Variants in SEMA4G observed in about 807,000 individuals in gnomAD.
SEMA4G encodes the protein semaphorin-4G.
A neutral mutation model predicts 81.2 loss-of-function variants in SEMA4G; 59 were observed. The observed-to-expected ratio is 0.73, with a 90% CI of 0.59 to 0.90. SEMA4G has a LOEUF of 0.90. SEMA4G is among the 40% of genes least tolerant of loss of function. The probability of loss-of-function intolerance (pLI) is 0.00; values close to 1 mark genes in which losing one functional copy is unlikely to be tolerated. For synonymous variants in SEMA4G, 404 were observed against 433.9 expected, an observed-to-expected ratio of 0.93 and a Z score of 0.86; for missense variants, 952 against 1,102.3, an observed-to-expected ratio of 0.86 and a Z score of 1.93.
chr10:100,983,700 C>A, exon 14 of SEMA4G: 2 of 1,613,604 alleles, frequency 1.2e-6, no homozygotes, highest in Non-Finnish European at 1.7e-6. Flanking sequence ...CTCCTCCCTC[C>A]TCTATGTGGC....
intron 13 of SEMA4G, among the ~76,000 whole-genome samples, chr10:100,982,452 G>A (rs1415919570): frequency 6.6e-6 from 1 of 152,208 alleles, no homozygotes; most frequent in Non-Finnish European, 1.5e-5. Flanking sequence ...AAATCAACAG[G>A]TCTAAGATAG....
rs771312087 is a variant in SEMA4G, at chr10:100,981,017, G to A, written c.1628+35G>A. On this transcript the variant is annotated intron_variant, in intron 12 of 13. Coordinates refer to ENST00000370250, the Ensembl canonical transcript of SEMA4G. Reference sequence around the variant, plus strand: ...AAGCAGGTGGGAAGTGGTGGGGGGTGACAGTCACATGTGGTCTGAGTGGAG... The same window carrying A: ...AAGCAGGTGGGAAGTGGTGGGGGGTAACAGTCACATGTGGTCTGAGTGGAG... 2 of 1,593,076 alleles carry A rather than the reference G, an allele frequency of 1.3e-6. No homozygotes were observed. The highest frequency in any genetic ancestry group is 1.7e-6 in the Non-Finnish European group (2 of 1,170,228).
chr10:100,972,339 G>A (rs989327335), upstream of SEMA4G, among the ~76,000 whole-genome samples: 1 of 151,940 alleles, frequency 6.6e-6, no homozygotes, highest in African/African-American at 2.4e-5. Context: ...TTGTAAGGAA[G>A]GTAAGTTCCA....
At chr10:100,977,686 T>C in exon 4 of SEMA4G, 1 of 1,614,084 alleles carries the variant, frequency 6.2e-7, no homozygotes, top group South Asian at 1.1e-5. Flanking sequence ...TACCCACCTC[T>C]ATGCATGTGG....
chr10:100,984,980 T>G (rs1761267634), downstream of SEMA4G: 2 of 1,364,610 alleles, frequency 1.5e-6, no homozygotes, highest in Non-Finnish European at 1.9e-6. Flanking sequence ...TCCACTCACA[T>G]GCACCTCTGA....
At chr10:100,976,386 TCTCA>T (rs1452906951) in intron 3 of SEMA4G, among the ~76,000 whole-genome samples, 1 of 152,158 alleles carries the variant, frequency 6.6e-6, no homozygotes, top group Non-Finnish European at 1.5e-5. Context: ...TCAGACATGG[TCTCA>T]CTCTGTTGCC....
exon 1 of SEMA4G, chr10:100,972,927 C>T (rs1393022504): frequency 1.2e-6 from 2 of 1,611,380 alleles, no homozygotes; most frequent in African/African-American, 2.7e-5. Context: ...GGGGGAGGCT[C>T]TGGCCCCTCC....
At chr10:100,983,160 C>A in intron 13 of SEMA4G, 145 bp from the exon 15 acceptor site, 1 of 1,001,430 alleles carries the variant, frequency 1.0e-6, no homozygotes, top group Non-Finnish European at 1.4e-6. Flanking sequence ...TCTGTGGAAG[C>A]ATGAGCACAG....
chr10:100,978,193 C>T, intron 4 of SEMA4G, 102 bp from the exon 6 acceptor site: 1 of 774,662 alleles, frequency 1.3e-6, no homozygotes, highest in Non-Finnish European at 2.2e-6. Flanking sequence ...ACAACCTGCC[C>T]CTATCCCTGA....
intron 3 of SEMA4G, among the ~76,000 whole-genome samples, chr10:100,974,600 A>G (rs905460872): frequency 3.3e-5 from 5 of 152,268 alleles, no homozygotes; most frequent in Non-Finnish European, 1.5e-5. Context: ...TGATTTAGCT[A>G]TTATCTCAGT....
At chr10:100,981,061 A>G in intron 12 of SEMA4G, 64 bp downstream of exon 13, 2 of 1,599,824 alleles carry the variant, frequency 1.3e-6, no homozygotes, top group East Asian at 4.5e-5. Flanking sequence ...CCTGATAGCT[A>G]CTGGGGGAGT....
Position 100,980,600 on chromosome 10 carries a change from C to T in SEMA4G, c.1374C>T (p.Ala458=), listed in dbSNP as rs7901675. ...CAGCTGATGGCTGGATCCACAAGGC[C>T]GTAGTCCTGGGCTCTGGGATGCACA... Residue 458 remains alanine, a synonymous_variant, in exon 11 of 14, where the codon GCC becomes GCT. Coordinates refer to ENST00000370250, the Ensembl canonical transcript of SEMA4G. 8,077 of 1,614,060 alleles carry T rather than the reference C, an allele frequency of 5.0e-3. 211 individuals are homozygous for T. In the African/African-American group the frequency reaches 0.064, roughly 13 times the overall value.
chr10:100,975,375 T>C (rs1018508891), intron 3 of SEMA4G, among the ~76,000 whole-genome samples: 1 of 152,186 alleles, frequency 6.6e-6, no homozygotes, highest in East Asian at 1.9e-4. Context: ...CCAAAGCATG[T>C]TCTGAGGAAC....
exon 6 of SEMA4G, chr10:100,978,618 G>A: frequency 6.2e-7 from 1 of 1,614,072 alleles, no homozygotes; most frequent in African/African-American, 1.3e-5. Flanking sequence ...GAACTGAGGA[G>A]ACACCAATGC....
intron 13 of SEMA4G, among the ~76,000 whole-genome samples, chr10:100,982,310 C>T (rs1436020883): frequency 2.6e-5 from 4 of 151,972 alleles, no homozygotes; most frequent in African/African-American, 9.7e-5. Flanking sequence ...GGTCTTTATC[C>T]GAAAAGCAAT....
intron 8 of SEMA4G, 183 bp downstream of exon 9, chr10:100,979,454 C>T: frequency 6.8e-7 from 1 of 1,461,232 alleles, no homozygotes; most frequent in South Asian, 1.4e-5. Flanking sequence ...GCGATCTCGG[C>T]TCACTGCAAT....
At chr10:100,982,344 G>A (rs1323998849) in intron 13 of SEMA4G, among the ~76,000 whole-genome samples, 1 of 152,196 alleles carries the variant, frequency 6.6e-6, no homozygotes, top group African/African-American at 2.4e-5. Flanking sequence ...AGAGTTTTAG[G>A]CTGGAGAGTG....
chr10:100,984,159 C>T, exon 14 of SEMA4G: 1 of 1,578,514 alleles, frequency 6.3e-7, no homozygotes. Context: ...AAATGCTCTT[C>T]CAAGCCAGCC....
upstream of SEMA4G, chr10:100,970,026 A>C (rs1661873283): frequency 5.0e-6 from 2 of 400,232 alleles, no homozygotes; most frequent in Admixed American, 5.2e-5. Context: ...CCGCCATCCT[A>C]CTAGGCAGAG....
Sources: gnomAD v4.1 joint callset for allele counts (sites outside exome capture counted in the v4.1 genomes callset) on GRCh38, gnomAD v4.1.1 for gene constraint, MANE v1.5 for transcripts, NCBI Gene and HGNC (gene_info 2026-07-23, HGNC 2026-07-21) for gene names.